HECW2: variants seen among roughly 807,000 people sequenced by gnomAD.
HECW2 encodes E3 ubiquitin-protein ligase HECW2.
In HECW2, 61 loss-of-function variants were observed where a neutral mutation model predicts 175.2. That is an observed-to-expected ratio of 0.35 (90% CI 0.28 to 0.43). HECW2 has a LOEUF of 0.43. Among genes scored for constraint, HECW2 ranks in the 20% least tolerant of loss-of-function variants. The pLI is 1.00. For synonymous variants in HECW2, 671 were observed against 731.0 expected, an observed-to-expected ratio of 0.92 and a Z score of 1.32; for missense variants, 1,524 against 2,000.5, an observed-to-expected ratio of 0.76 and a Z score of 4.54.
At chr2:196,512,355 G>A (rs1435078053) in intron 1 of HECW2, among the ~76,000 whole-genome samples, 1 of 152,158 alleles carries the variant, frequency 6.6e-6, no homozygotes, top group Admixed American at 6.5e-5. Context: ...CAGTTATCTA[G>A]GTACAGAAGA....
intron 3 of HECW2, among the ~76,000 whole-genome samples, chr2:196,335,473 G>C (rs1433406174): frequency 6.6e-6 from 1 of 152,160 alleles, no homozygotes; most frequent in African/African-American, 2.4e-5. Context: ...CTACGGGAGG[G>C]AGTTCCTCTC....
Position 196,307,981 on chromosome 2 carries a change from G to A in HECW2, c.2539C>T (p.Leu847=). ...TGCTGTATGGAGTTAGATCTCTGCA[G>A]CACCTGCGGGGCTGGGGGAGCTGTC... ...RPTAPPAPQV[L]QRSNSIQQME... is the part of the protein sequence containing the mutation. Residue 847 remains leucine, a synonymous_variant, in exon 11 of 29, where the codon CTG becomes TTG. Coordinates refer to ENST00000644978, the MANE Select transcript of HECW2 (RefSeq NM_001348768.2). 1 of 1,603,092 alleles carries A rather than the reference G, an allele frequency of 6.2e-7. No homozygotes were observed. The highest frequency in any genetic ancestry group is 8.5e-7 in the Non-Finnish European group (1 of 1,171,984).
chr2:196,404,088 G>C (rs1694892769), intron 2 of HECW2, among the ~76,000 whole-genome samples: 1 of 152,124 alleles, frequency 6.6e-6, no homozygotes, highest in Non-Finnish European at 1.5e-5. Context: ...AAATGCAATT[G>C]AGTGCCAGAA....
chr2:196,280,269 T>G (rs1486097747), intron 14 of HECW2, among the ~76,000 whole-genome samples: 3 of 152,182 alleles, frequency 2.0e-5, no homozygotes, highest in Non-Finnish European at 2.9e-5. Context: ...TTCAAACCAA[T>G]GGAGCTCAGT....
chr2:196,414,097 T>A (rs1367996727), intron 2 of HECW2, among the ~76,000 whole-genome samples: 1 of 152,246 alleles, frequency 6.6e-6, no homozygotes, highest in Non-Finnish European at 1.5e-5. Context: ...TCTTCTTTGC[T>A]GCTTTTGAGT....
intron 1 of HECW2, among the ~76,000 whole-genome samples, chr2:196,565,649 T>C (rs928701683): frequency 1.1e-4 from 17 of 152,298 alleles, no homozygotes; most frequent in African/African-American, 4.1e-4. Flanking sequence ...AAAACTGAGT[T>C]CTGCTAAAAA....
chr2:196,471,490 G>T (rs534944498), intron 1 of HECW2, among the ~76,000 whole-genome samples: 1 of 152,116 alleles, frequency 6.6e-6, no homozygotes, highest in Non-Finnish European at 1.5e-5. Context: ...AATATAAATT[G>T]TTCTGTCATA....
chr2:196,261,284 T>C (rs1029991252), intron 17 of HECW2, among the ~76,000 whole-genome samples: 1 of 152,224 alleles, frequency 6.6e-6, no homozygotes, highest in Admixed American at 6.5e-5. Flanking sequence ...AAAAGAAAAT[T>C]ATGCATTCAT....
In HECW2 at chr2:196,194,498, T is replaced by C. The variant is rs1686625592; in HGVS notation, c.*6779A>G. The stretch of plus-strand genomic sequence containing the variant: ...ATTAAAATATCTTTCCCTCAAAGCA[T>C]TTCGGAATCATAAAAAATACAACAA... On this transcript the variant is annotated 3_prime_UTR_variant, in exon 29 of 29. Transcript: ENST00000644978. 6.6e-6 allele frequency: 1 copy of C among 152,052 alleles called. No homozygotes were observed. Among genetic ancestry groups the C allele is most frequent in the African/African-American group, 2.4e-5 (1 of 41,410 alleles). 9.4% of individuals were successfully genotyped at this position (152,052 alleles called of 1,614,324 possible).
chr2:196,308,085 T>A lies in HECW2; in HGVS notation c.2435A>T (p.Asn812Ile). ...YQRVDEALPP[N>I]WEARIDSHGR... is the part of the protein sequence containing the mutation. ...GTGGCTGTCAATGCGTGCCTCCCAG[T>A]CTAAATGGCAGTGAGGCACCGAAAG... The change falls in exon 11 of 29, where the codon AAC becomes ATC. Residue 812 changes from asparagine to isoleucine, a missense_variant and splice_region_variant. Transcript: ENST00000644978. 6.3e-7 allele frequency: 1 copy of A among 1,579,152 alleles called. No individual in the cohort carries two copies. Among genetic ancestry groups the A allele is most frequent in the Non-Finnish European group, 8.7e-7 (1 of 1,155,272 alleles).
At chr2:196,251,905 T>A (rs766301732) in intron 19 of HECW2, among the ~76,000 whole-genome samples, 3 of 151,944 alleles carry the variant, frequency 2.0e-5, no homozygotes, top group African/African-American at 7.3e-5. Flanking sequence ...ACATGGACAA[T>A]AGAATAGGGC....
intron 2 of HECW2, among the ~76,000 whole-genome samples, chr2:196,388,156 G>A (rs1694404430): frequency 6.6e-6 from 1 of 152,024 alleles, no homozygotes; most frequent in Admixed American, 6.6e-5. Flanking sequence ...TAATTATCCA[G>A]GCATGGTGGC....
chr2:196,515,049 A>G (rs1415530279), intron 1 of HECW2, among the ~76,000 whole-genome samples: 3 of 152,226 alleles, frequency 2.0e-5, no homozygotes, highest in African/African-American at 7.2e-5. Context: ...GGGGCTCTGC[A>G]GTTCCTGGCC....
chr2:196,305,651 A>T (rs1329399250), intron 13 of HECW2, among the ~76,000 whole-genome samples: 1 of 152,080 alleles, frequency 6.6e-6, no homozygotes, highest in Non-Finnish European at 1.5e-5. Flanking sequence ...TTCATTATTT[A>T]TGTATTATTA....
intron 2 of HECW2, among the ~76,000 whole-genome samples, chr2:196,374,026 C>T (rs373629834): frequency 2.1e-5 from 3 of 141,884 alleles, no homozygotes; most frequent in Non-Finnish European, 3.0e-5. Context: ...AGAGAGACTC[C>T]GTCTCAAAAA....
chr2:196,327,086 A>G (rs1692182444), intron 5 of HECW2, among the ~76,000 whole-genome samples: 2 of 152,206 alleles, frequency 1.3e-5, no homozygotes, highest in Non-Finnish European at 2.9e-5. Flanking sequence ...TATGCCCAAA[A>G]AAGGGTTCTC....
In HECW2 at chr2:196,278,640, G is replaced by A. The variant is rs1455683390; in HGVS notation, c.3023C>T (p.Ser1008Phe). The A allele has an allele frequency of 1.2e-6, 2 of 1,614,078 alleles. No individual in the cohort carries two copies. The highest frequency in any genetic ancestry group is 1.7e-5 in the Admixed American group (1 of 60,018). Reference protein sequence around the residue: ...QGKAFFVDHNSRTTTFIDPRL... With the variant: ...QGKAFFVDHNFRTTTFIDPRL... ...GGGATCAATGAAAGTGGTGGTGCGGGAGTTGTGGTCCACAAAGAATGCCTA... is the reference window on the plus strand; with the variant it reads ...GGGATCAATGAAAGTGGTGGTGCGGAAGTTGTGGTCCACAAAGAATGCCTA... The change falls in exon 15 of 29, where the codon TCC (serine) becomes TTC (phenylalanine). Residue 1008 changes from serine (S) to phenylalanine (F), a missense_variant. Coordinates refer to ENST00000644978, the MANE Select transcript of HECW2 (RefSeq NM_001348768.2).
chr2:196,344,866 C>T (rs1223872522), intron 2 of HECW2, among the ~76,000 whole-genome samples: 2 of 152,060 alleles, frequency 1.3e-5, no homozygotes, highest in Admixed American at 6.5e-5. Flanking sequence ...GTCCCAAGCC[C>T]AAAGGAATAG....
intron 18 of HECW2, among the ~76,000 whole-genome samples, chr2:196,256,077 A>G (rs1689045030): frequency 6.6e-6 from 1 of 152,176 alleles, no homozygotes; most frequent in Non-Finnish European, 1.5e-5. Context: ...CACCTCAAAA[A>G]TAAATAAATA....
Sources: allele counts gnomAD v4.1 joint callset (sites outside exome capture counted in the v4.1 genomes callset), GRCh38; gene constraint gnomAD v4.1.1; transcripts MANE v1.5; gene names NCBI Gene and HGNC (gene_info 2026-07-23, HGNC 2026-07-21).